Variants in AFF3 observed in about 807,000 individuals in gnomAD.
AFF3 encodes AF4/FMR2 family member 3.
AFF3 carries 32 observed loss-of-function variants against 129.7 expected under a neutral mutation model. That is an observed-to-expected ratio of 0.25 (90% confidence interval 0.19 to 0.33). AFF3 has a LOEUF of 0.33. Ranked by LOEUF, AFF3 falls within the 10% of genes least tolerant of loss-of-function variation. The pLI is 1.00. For synonymous variants in AFF3, 644 were observed against 635.4 expected (o/e 1.01, Z -0.20); for missense variants, 1,373 against 1,592.0 (o/e 0.86, Z 2.34).
chr2:99,910,947 T>C (rs1428057223), intron 7 of AFF3, among the ~76,000 whole-genome samples: 1 of 152,244 alleles, frequency 6.6e-6, no homozygotes, highest in Non-Finnish European at 1.5e-5. Context: ...CTACAATGCC[T>C]TCCCTCTTAT....
chr2:99,611,019 C>A (rs768801338), intron 13 of AFF3, among the ~76,000 whole-genome samples: 1 of 152,132 alleles, frequency 6.6e-6, no homozygotes, highest in Non-Finnish European at 1.5e-5. Flanking sequence ...TCCTATCAGG[C>A]AATTTCTCTT....
Position 99,593,645 on chromosome 2 carries a change from A to G in AFF3, c.2016T>C (p.Ser672=). The change falls in exon 15 of 25, where the codon TCT becomes TCC. Residue 672 remains serine (S), a synonymous_variant. Transcript: ENST00000672756. ...SKEFIETESS[S]SSSSSDSDLE... ...GGTCGGAGTCCGAGGAGGAGGATGA[A>G]GATGACGACTCTGTCTCAATGAACT... The G allele has an allele frequency of 2.5e-6, 4 of 1,607,794 alleles. No homozygotes were observed. The highest frequency in any genetic ancestry group is 3.4e-6 in the Non-Finnish European group (4 of 1,176,042).
chr2:99,855,976 A>G (rs1313287347), intron 7 of AFF3, among the ~76,000 whole-genome samples: 1 of 152,186 alleles, frequency 6.6e-6, no homozygotes, highest in African/African-American at 2.4e-5. Context: ...TAAACATAAG[A>G]AAAACATCAT....
At chr2:99,940,959 C>T (rs1278901199) in intron 7 of AFF3, among the ~76,000 whole-genome samples, 6 of 152,002 alleles carry the variant, frequency 3.9e-5, no homozygotes, top group Admixed American at 2.0e-4. Flanking sequence ...CGTGGCCACC[C>T]GCTCCCGGCT....
At chr2:99,899,892 C>T (rs1694227404) in intron 7 of AFF3, among the ~76,000 whole-genome samples, 1 of 152,280 alleles carries the variant, frequency 6.6e-6, no homozygotes, top group Middle Eastern at 3.4e-3. Context: ...TTTGAAGGCA[C>T]GTCTGGAAAT....
chr2:99,719,134 T>G (rs1300642790), intron 11 of AFF3, among the ~76,000 whole-genome samples: 1 of 151,430 alleles, frequency 6.6e-6, no homozygotes, highest in Non-Finnish European at 1.5e-5. Context: ...GAGTGTTTTT[T>G]TTTTCTTTTT....
chr2:100,106,659 C>A (rs1338873594), intron 2 of AFF3: 1 of 986,136 alleles, frequency 1.0e-6, no homozygotes, highest in Non-Finnish European at 1.2e-6. Flanking sequence ...GTGCTCCTGG[C>A]TGCAGCTGGG....
At position 99,787,374 on chromosome 2, in the gene AFF3, G is replaced by A. The variant is rs867438903; in HGVS notation, c.922-35073C>T. Among the ~76,000 whole-genome samples, 4 of 152,224 alleles carry A rather than the reference G, an allele frequency of 2.6e-5. No individual in the cohort carries two copies. The Middle Eastern group carries it at 0.01, about 388-fold the overall frequency. ...GCCTTCGGATAGCTGTGACCCCCAC[G>A]TTAGGCATCAAGACAGGGTTCCACA... On this transcript the variant is annotated intron_variant, in intron 8 of 24. Transcript: ENST00000672756.
At chr2:99,985,894 TAAG>T (rs1679810996) in intron 7 of AFF3, among the ~76,000 whole-genome samples, 2 of 151,824 alleles carry the variant, frequency 1.3e-5, no homozygotes, top group African/African-American at 2.4e-5. Flanking sequence ...TGTACTTTCA[TAAG>T]AAGAAAAAAA....
chr2:99,964,921 A>G (rs1343892964), intron 7 of AFF3, among the ~76,000 whole-genome samples: 1 of 152,168 alleles, frequency 6.6e-6, no homozygotes, highest in African/African-American at 2.4e-5. Flanking sequence ...TTTTCTTACA[A>G]CTGCATGTGA....
At chr2:100,105,765 C>T in intron 2 of AFF3, 182 bp from the exon 3 acceptor site, 1 of 1,360,152 alleles carries the variant, frequency 7.4e-7, no homozygotes, top group Non-Finnish European at 9.8e-7. Context: ...TCCAAGGCCC[C>T]CTGACTCTCC....
chr2:99,748,105 C>T (rs565795512), intron 9 of AFF3, among the ~76,000 whole-genome samples: 1 of 152,200 alleles, frequency 6.6e-6, no homozygotes, highest in East Asian at 1.9e-4. Context: ...CTGCAAAACC[C>T]CAGGGGCCCC....
intron 8 of AFF3, among the ~76,000 whole-genome samples, chr2:99,823,068 T>G (rs947593776): frequency 1.3e-5 from 2 of 152,162 alleles, no homozygotes; most frequent in Non-Finnish European, 1.5e-5. Flanking sequence ...TCTGGTTATC[T>G]GTAACAAAGT....
At chr2:99,606,725 T>C (rs1348311703) in intron 13 of AFF3, among the ~76,000 whole-genome samples, 2 of 151,698 alleles carry the variant, frequency 1.3e-5, no homozygotes, top group African/African-American at 4.8e-5. Context: ...CCATCCTGGC[T>C]AACATGGTGA....
At chr2:99,654,701 G>C (rs1354874220) in intron 12 of AFF3, among the ~76,000 whole-genome samples, 1 of 152,166 alleles carries the variant, frequency 6.6e-6, no homozygotes, top group Non-Finnish European at 1.5e-5. Flanking sequence ...GATCCTTCCT[G>C]AGTTCATTAT....
chr2:99,781,332 T>C (rs1684389585), intron 8 of AFF3, among the ~76,000 whole-genome samples: 1 of 152,224 alleles, frequency 6.6e-6, no homozygotes, highest in Non-Finnish European at 1.5e-5. Context: ...CTTATTTTTC[T>C]TCTTAGCACT....
chr2:99,749,085 A>G (rs1376061927), intron 9 of AFF3, among the ~76,000 whole-genome samples: 2 of 152,230 alleles, frequency 1.3e-5, no homozygotes, highest in Non-Finnish European at 2.9e-5. Flanking sequence ...AAATGTGACT[A>G]TAGTTAACAA....
At chr2:99,867,785 G>T (rs959619306) in intron 7 of AFF3, among the ~76,000 whole-genome samples, 2 of 152,162 alleles carry the variant, frequency 1.3e-5, no homozygotes, top group Admixed American at 1.3e-4. Context: ...GTGGTTTCCA[G>T]AAGACAGTGC....
At chr2:99,948,778 CA>C (rs951950525) in intron 7 of AFF3, among the ~76,000 whole-genome samples, 7 of 151,008 alleles carry the variant, frequency 4.6e-5, no homozygotes, top group Admixed American at 2.0e-4. Context: ...AAGAATAAAA[CA>C]AAAAAAAATC....
Sources: gnomAD v4.1 joint callset for allele counts (sites outside exome capture counted in the v4.1 genomes callset) on GRCh38, gnomAD v4.1.1 for gene constraint, MANE v1.5 for transcripts, NCBI Gene and HGNC (gene_info 2026-07-23, HGNC 2026-07-21) for gene names.